The following SOX6 variants were observed in gnomAD, a reference collection of about 807,000 sequenced individuals.
SOX6 encodes transcription factor SOX-6.
SOX6 carries 11 observed loss-of-function variants against 97.8 expected under a neutral mutation model. The ratio of observed to expected loss-of-function variants is 0.11; its 90% CI spans 0.07 to 0.19. SOX6 has a LOEUF of 0.19. SOX6 is among the 10% of genes least tolerant of loss of function. SOX6 has a pLI of 1.00. For synonymous variants in SOX6, 360 were observed against 371.4 expected, an observed-to-expected ratio of 0.97 and a Z score of 0.35; for missense variants, 810 against 1,039.5, an observed-to-expected ratio of 0.78 and a Z score of 3.04.
chr11:16,098,048 T>G (rs1848845887), intron 7 of SOX6, among the ~76,000 whole-genome samples: 1 of 151,828 alleles, frequency 6.6e-6, no homozygotes, highest in Non-Finnish European at 1.5e-5. Context: ...GCTTTTATAT[T>G]AGAACAACAA....
chr11:16,268,107 T>G (rs530479010), intron 3 of SOX6, among the ~76,000 whole-genome samples: 6 of 151,074 alleles, frequency 4.0e-5, no homozygotes, highest in Middle Eastern at 3.4e-3. Context: ...AAAATAAGTG[T>G]TTTTTTTAGA....
At chr11:16,164,820 C>CA (rs200369773) in intron 6 of SOX6, among the ~76,000 whole-genome samples, 1,819 of 81,574 alleles carry the variant, frequency 0.022, 16 homozygotes, top group African/African-American at 0.053. Context: ...GACTTGGTAT[C>CA]AAAAAAAAAA....
intron 6 of SOX6, among the ~76,000 whole-genome samples, chr11:16,143,290 G>C (rs896577061): frequency 3.9e-5 from 6 of 152,034 alleles, no homozygotes; most frequent in African/African-American, 1.2e-4. Flanking sequence ...CCTTTACAGA[G>C]AAGCAAATGC....
chr11:16,368,078 T>TA (rs2134387926), intron 1 of SOX6, among the ~76,000 whole-genome samples: 1 of 152,314 alleles, frequency 6.6e-6, no homozygotes, highest in East Asian at 1.9e-4. Context: ...AGTGAGGACT[T>TA]ACTATAGTCT....
chr11:16,083,241 T>G (rs1405987988), intron 9 of SOX6, among the ~76,000 whole-genome samples: 1 of 152,178 alleles, frequency 6.6e-6, no homozygotes, highest in Non-Finnish European at 1.5e-5. Flanking sequence ...AGAGTCAAAT[T>G]CTCTTGATCT....
chr11:16,323,409 A>C (rs1226609479), intron 2 of SOX6, among the ~76,000 whole-genome samples: 1 of 152,212 alleles, frequency 6.6e-6, no homozygotes, highest in Non-Finnish European at 1.5e-5. Context: ...GATTTTTCAG[A>C]AGTTACTATT....
intron 4 of SOX6, among the ~76,000 whole-genome samples, chr11:16,565,388 G>A (rs959785662): frequency 2.0e-5 from 3 of 151,856 alleles, no homozygotes; most frequent in East Asian, 1.9e-4. Context: ...CCAATTCTAC[G>A]CAATCTCTTC....
intron 1 of SOX6, among the ~76,000 whole-genome samples, chr11:16,456,714 T>C (rs182420069): frequency 1.3e-5 from 2 of 152,268 alleles, no homozygotes; most frequent in Admixed American, 6.5e-5. Context: ...AAAATGACAA[T>C]GGTTTATCGA....
intron 4 of SOX6, among the ~76,000 whole-genome samples, chr11:16,602,427 A>T (rs1326610165): frequency 6.6e-6 from 1 of 152,160 alleles, no homozygotes; most frequent in Non-Finnish European, 1.5e-5. Flanking sequence ...CAAAGTTTGA[A>T]ACATTTGTTT....
intron 4 of SOX6, among the ~76,000 whole-genome samples, chr11:16,587,835 A>C (rs1848112254): frequency 6.6e-6 from 1 of 152,180 alleles, no homozygotes; most frequent in Non-Finnish European, 1.5e-5. Flanking sequence ...ATACTCAAAA[A>C]ACCTGGCACT....
chr11:16,300,274 T>A lies in SOX6; in HGVS notation c.445+18172A>T, dbSNP rs571531540. On this transcript the variant is annotated intron_variant, in intron 3 of 15. Transcript: ENST00000683767. This position sits in a 1 kb window ranked among gnomAD's most constrained non-coding sequence, Gnocchi z 4.1. Reference sequence around the variant, plus strand: ...AGCAGGGATTAAAAAAAAGGACTTATACAAATGGAGAAAGTCCACAATATT... The same window carrying A: ...AGCAGGGATTAAAAAAAAGGACTTAAACAAATGGAGAAAGTCCACAATATT... Among the ~76,000 whole-genome samples, 11 of 152,246 alleles carry A rather than the reference T, an allele frequency of 7.2e-5. No individual in the cohort carries two copies. The East Asian group carries it at 2.1e-3, about 29-fold the overall frequency.
chr11:16,046,596 T>C lies in SOX6; in HGVS notation c.1541A>G (p.Gln514Arg), dbSNP rs762240904. 1.2e-6 allele frequency: 2 copies of C among 1,613,812 alleles called. No homozygotes were observed. The highest frequency in any genetic ancestry group is 1.1e-5 in the South Asian group (1 of 91,088). ...RKMREQIQREQQQQQPHGVDG... is the reference protein window; with the variant it reads ...RKMREQIQRERQQQQPHGVDG... ...AACACCATGTGGCTGTTGCTGCTGT[T>C]GCTCCCGCTGGATCTGCTCTCGCAT... Residue 514 changes from glutamine to arginine, a missense_variant, in exon 12 of 16, where the codon CAA becomes CGA. Transcript: ENST00000683767.
chr11:16,285,223 G>T lies in SOX6; in HGVS notation c.445+33223C>A, dbSNP rs578056115. ...TAACTGAATGTTTTAATATTAAACT[G>T]ATAGAATAATTGTAAAAAATATTTT... On this transcript the variant is annotated intron_variant, in intron 3 of 15. Transcript: ENST00000683767. Among the ~76,000 whole-genome samples the T allele has an allele frequency of 2.6e-5, 4 of 152,196 alleles. No individual in the cohort carries two copies. The South Asian group carries it at 8.3e-4, about 32-fold the overall frequency.
At chr11:16,360,680 G>T (rs1425183825), upstream of SOX6, among the ~76,000 whole-genome samples, 2 of 152,120 alleles carry the variant, frequency 1.3e-5, no homozygotes, top group Non-Finnish European at 2.9e-5. Context: ...AATAAATAAT[G>T]CGTTGAATGA....
At chr11:16,733,246 T>C (rs1360206369) in intron 2 of SOX6, among the ~76,000 whole-genome samples, 1 of 152,238 alleles carries the variant, frequency 6.6e-6, no homozygotes, top group African/African-American at 2.4e-5. Context: ...CAAAGGATTA[T>C]AAATCATTGT....
At chr11:16,147,681 G>A (rs560690829) in intron 6 of SOX6, among the ~76,000 whole-genome samples, 8 of 152,074 alleles carry the variant, frequency 5.3e-5, no homozygotes, top group Admixed American at 2.0e-4. Context: ...AATGAACACC[G>A]AAATTTCCTT....
Position 16,186,926 on chromosome 11 carries a change from G to A in SOX6, c.565C>T (p.Arg189Trp), listed in dbSNP as rs778837313. ...TGGGTAATCATGGTGGAGAGCTGCCGTTCTTTTTCTGCCAGGCTCTCAGGT... is the reference window on the plus strand; with the variant it reads ...TGGGTAATCATGGTGGAGAGCTGCCATTCTTTTTCTGCCAGGCTCTCAGGT... The part of the protein sequence containing the change: ...GTPESLAEKE[R>W]QLSTMITQLI... Residue 189 changes from arginine to tryptophan, a missense_variant, in exon 5 of 16, where the codon CGG becomes TGG. Transcript: ENST00000683767. The A allele has an allele frequency of 2.6e-5, 42 of 1,613,662 alleles. No individual in the cohort carries two copies. The highest frequency in any genetic ancestry group is 2.2e-5 in the East Asian group (1 of 44,868).
intron 6 of SOX6, among the ~76,000 whole-genome samples, chr11:16,138,103 G>A (rs1033663719): frequency 6.6e-6 from 1 of 152,148 alleles, no homozygotes; most frequent in Non-Finnish European, 1.5e-5. Flanking sequence ...ATACCTACCA[G>A]TAAACCAGGA....
At chr11:16,293,482 G>A (rs1417407485) in intron 3 of SOX6, among the ~76,000 whole-genome samples, 1 of 152,044 alleles carries the variant, frequency 6.6e-6, no homozygotes, top group Non-Finnish European at 1.5e-5. Flanking sequence ...AGAGAGCACT[G>A]CCCTACTTGT....
Sources: gnomAD v4.1 joint callset for allele counts (sites outside exome capture counted in the v4.1 genomes callset) on GRCh38, gnomAD v4.1.1 for gene constraint, Gnocchi (gnomAD v3.1) non-coding constraint, MANE v1.5 for transcripts, NCBI Gene and HGNC (gene_info 2026-07-23, HGNC 2026-07-21) for gene names.